PPM1H: variants seen among roughly 807,000 people sequenced by gnomAD.
PPM1H encodes protein phosphatase 1H.
In PPM1H, 27 loss-of-function variants were observed where a neutral mutation model predicts 54.9. The observed-to-expected ratio is 0.49, with a 90% CI of 0.36 to 0.68. The LOEUF (loss-of-function observed/expected upper bound fraction) is 0.68, where lower values mean the gene tolerates loss of function less well. Among genes scored for constraint, PPM1H ranks in the 30% least tolerant of loss-of-function variants. The pLI, the probability that PPM1H is intolerant of heterozygous loss-of-function variation, is 0.00. For synonymous variants in PPM1H, 305 were observed against 270.8 expected (o/e 1.13, Z -1.24); for missense variants, 596 against 667.8 (o/e 0.89, Z 1.19).
At chr12:62,680,388 G>A (rs1368212417) in intron 8 of PPM1H, among the ~76,000 whole-genome samples, 4 of 148,646 alleles carry the variant, frequency 2.7e-5, no homozygotes, top group Admixed American at 2.0e-4. Flanking sequence ...CACCTATGTT[G>A]CTCAGGCTGG....
chr12:62,727,040 G>C (rs976074633), intron 5 of PPM1H, among the ~76,000 whole-genome samples: 1 of 151,910 alleles, frequency 6.6e-6, no homozygotes, highest in Non-Finnish European at 1.5e-5. Flanking sequence ...TCAGCCTCCT[G>C]AGTAGCTAGG....
At chr12:62,793,649 G>C (rs1332961178) in intron 3 of PPM1H, among the ~76,000 whole-genome samples, 2 of 151,556 alleles carry the variant, frequency 1.3e-5, no homozygotes, top group Non-Finnish European at 2.9e-5. Context: ...GCTTGAACCC[G>C]GGAGGTGGAG....
chr12:62,831,759 G>GTGTATA (rs1555199923), intron 2 of PPM1H, among the ~76,000 whole-genome samples: 49 of 148,232 alleles, frequency 3.3e-4, no homozygotes, highest in African/African-American at 1.1e-3. Context: ...ATATATTCGT[G>GTGTATA]TATATATATA....
rs147554981 is a variant in PPM1H at position 62,844,892 on chromosome 12, GA to G, written c.246-12614del. Among the ~76,000 whole-genome samples the G allele has an allele frequency of 3.3e-5, 5 of 152,136 alleles. No homozygotes were observed. Among genetic ancestry groups the G allele is most frequent in the Non-Finnish European group, 5.9e-5 (4 of 68,018 alleles). On this transcript the variant is annotated intron_variant, in intron 1 of 9. Transcript: ENST00000228705. This position sits in a 1 kb window ranked among gnomAD's most constrained non-coding sequence, Gnocchi z 5.2. ...CCTCATTTGATTTCTGCATTCCATA[GA>G]AAAAAATTAATTATAAGCACTTCTA...
At chr12:62,658,158 A>C (rs1437351310) in intron 9 of PPM1H, among the ~76,000 whole-genome samples, 2 of 140,370 alleles carry the variant, frequency 1.4e-5, no homozygotes, top group African/African-American at 5.2e-5. Flanking sequence ...GGATTGCTTG[A>C]GACCAGCCTG....
chr12:62,829,203 CATT>C (rs1365249440), intron 2 of PPM1H, among the ~76,000 whole-genome samples: 1 of 152,224 alleles, frequency 6.6e-6, no homozygotes, highest in African/African-American at 2.4e-5. Context: ...TTCTGGCTCA[CATT>C]ACAACATGGG....
intron 1 of PPM1H, among the ~76,000 whole-genome samples, chr12:62,835,167 C>T (rs904271617): frequency 1.3e-5 from 2 of 152,214 alleles, no homozygotes; most frequent in Non-Finnish European, 2.9e-5. Flanking sequence ...TCCACCACTG[C>T]CGTTTCCAAC....
chr12:62,838,638 CTGG>C (rs1868589278), intron 1 of PPM1H, among the ~76,000 whole-genome samples: 2 of 144,460 alleles, frequency 1.4e-5, no homozygotes, highest in African/African-American at 5.4e-5. Context: ...AATAGCTTCT[CTGG>C]CCGGGCGCGG....
At chr12:62,920,960 T>G (rs1247619409) in intron 1 of PPM1H, among the ~76,000 whole-genome samples, 10 of 152,172 alleles carry the variant, frequency 6.6e-5, no homozygotes, top group Non-Finnish European at 1.5e-4. Flanking sequence ...AGTCTCACTC[T>G]GTCGCCCAGG....
At chr12:62,652,779 G>A (rs1198428132) in intron 9 of PPM1H, among the ~76,000 whole-genome samples, 1 of 151,346 alleles carries the variant, frequency 6.6e-6, no homozygotes, top group African/African-American at 2.4e-5. Flanking sequence ...TTTTGAGCCT[G>A]CCTTAATCAT....
At chr12:62,684,728 T>A (rs932625239) in intron 8 of PPM1H, among the ~76,000 whole-genome samples, 1 of 152,068 alleles carries the variant, frequency 6.6e-6, no homozygotes, top group Non-Finnish European at 1.5e-5. Flanking sequence ...AGCAGGGGAA[T>A]GTTCTTAGGG....
rs201542231 is a variant in PPM1H, at chr12:62,801,933, G to T, written c.639C>A (p.Arg213=). 192 of 1,612,760 alleles carry T rather than the reference G, an allele frequency of 1.2e-4. No individual in the cohort carries two copies. Among genetic ancestry groups the T allele is most frequent in the Non-Finnish European group, 1.6e-4 (187 of 1,179,330 alleles). Residue 213 remains arginine, a synonymous_variant, in exon 3 of 10, where the codon CGC becomes CGA. Transcript: ENST00000228705. ...SRTLTRAASL[R]GGVGAPGSPS... ...GGGAGCCCGGGGCCCCCACCCCTCC[G>T]CGCAGGGAGGCTGCCCGGGTCAGAG...
chr12:62,721,685 T>C (rs2076264664), intron 5 of PPM1H, among the ~76,000 whole-genome samples: 1 of 152,128 alleles, frequency 6.6e-6, no homozygotes, highest in Non-Finnish European at 1.5e-5. Flanking sequence ...AGAATTTGGG[T>C]GTGAATCCAA....
chr12:62,815,034 T>A (rs950389216), intron 2 of PPM1H, among the ~76,000 whole-genome samples: 10 of 152,198 alleles, frequency 6.6e-5, no homozygotes, highest in African/African-American at 2.4e-4. Context: ...ATCCTCACAG[T>A]ACCACAGTGA....
Position 62,934,188 on chromosome 12 carries a change from C to T in PPM1H, c.245+304G>A. On this transcript the variant is annotated intron_variant, in intron 1 of 9. Transcript: ENST00000228705. The surrounding 1 kb of genome is among the most constrained non-coding windows in gnomAD (Gnocchi z 4.2). ...AGAGCTTTTCTGCCCGTTTTTTTTCCCCAAGTGACAGAGACCCCGGATTCA... is the reference window on the plus strand; with the variant it reads ...AGAGCTTTTCTGCCCGTTTTTTTTCTCCAAGTGACAGAGACCCCGGATTCA... The T allele has an allele frequency of 2.9e-6, 1 of 345,866 alleles. No individual in the cohort carries two copies. The highest frequency in any genetic ancestry group is 5.2e-6 in the Non-Finnish European group (1 of 191,860). 21.4% of individuals were successfully genotyped at this position (345,866 alleles called of 1,614,324 possible). A position where few individuals can be genotyped will look rare whatever the true frequency, so the allele number is the denominator to read the frequency against.
intron 2 of PPM1H, among the ~76,000 whole-genome samples, chr12:62,823,242 G>A (rs866608628): frequency 6.6e-6 from 1 of 152,120 alleles, no homozygotes; most frequent in East Asian, 1.9e-4. Context: ...TGAAATTGAG[G>A]CAATAATTAA....
intron 1 of PPM1H, among the ~76,000 whole-genome samples, chr12:62,932,584 A>T (rs891386471): frequency 1.4e-5 from 2 of 138,938 alleles, no homozygotes; most frequent in Non-Finnish European, 1.5e-5. Context: ...ATTATACCAC[A>T]GGGTATGCCT....
At chr12:62,867,562 C>CTTTTTTTTTT (rs1481926545) in intron 1 of PPM1H, among the ~76,000 whole-genome samples, 2 of 101,880 alleles carry the variant, frequency 2.0e-5, no homozygotes, top group African/African-American at 4.5e-5. Flanking sequence ...CTTATGAGCA[C>CTTTTTTTTTT]TATTTTTTTT....
intron 9 of PPM1H, among the ~76,000 whole-genome samples, chr12:62,660,880 G>A (rs12825098): frequency 0.03 from 4,524 of 152,214 alleles, 115 homozygotes; most frequent in Non-Finnish European, 0.043. Flanking sequence ...GAACACACAG[G>A]GGTAGGAAAA....
Sources: allele counts gnomAD v4.1 joint callset (sites outside exome capture counted in the v4.1 genomes callset), GRCh38; gene constraint gnomAD v4.1.1; non-coding constraint Gnocchi (gnomAD v3.1); transcripts MANE v1.5; gene names NCBI Gene and HGNC (gene_info 2026-07-23, HGNC 2026-07-21).